The following ASS1 variants were observed in gnomAD, a reference collection of about 807,000 sequenced individuals.
ASS1 encodes argininosuccinate synthase 1.
ASS1 carries 58 observed loss-of-function variants against 60.5 expected under a neutral mutation model. That is an observed-to-expected ratio of 0.96 (90% CI 0.78 to 1.19). ASS1 has a LOEUF of 1.19. ASS1 is among the 50% of genes most tolerant of loss of function. The pLI, the probability that ASS1 is intolerant of heterozygous loss-of-function variation, is 0.00. For missense variants in ASS1, 454 were observed against 547.3 expected (o/e 0.83, Z 1.70); for synonymous variants, 200 against 206.9 (o/e 0.97, Z 0.29).
chr9:130,476,674 C>G lies in ASS1; in HGVS notation c.598-197C>G. 1 of 630,398 alleles carries G rather than the reference C, an allele frequency of 1.6e-6. No homozygotes were observed. Among genetic ancestry groups the G allele is most frequent in the South Asian group, 1.8e-5 (1 of 55,194 alleles). The allele number at this position is 630,398 out of a possible 1,614,324, so 39.1% of individuals were successfully genotyped here. A position where few individuals can be genotyped will look rare whatever the true frequency, so the allele number is the denominator to read the frequency against. ...TGAGGGGAAAAATTGTCTGATTTCT[C>G]CAGCCCTTTGTTTCCCAGGCCTCTG... is the stretch of plus-strand genomic sequence containing the variant. On this transcript the variant is annotated intron_variant, in intron 8 of 14. Transcript: ENST00000352480. This position sits in a 1 kb window ranked among gnomAD's most constrained non-coding sequence, Gnocchi z 4.9.
intron 6 of ASS1, among the ~76,000 whole-genome samples, chr9:130,469,060 G>A (rs902873368): frequency 6.6e-6 from 1 of 152,334 alleles, no homozygotes; most frequent in African/African-American, 2.4e-5. Context: ...GGGAGGCAAA[G>A]GTTCTTTCAC....
At chr9:130,448,893 C>T (rs1416290747) in intron 1 of ASS1, among the ~76,000 whole-genome samples, 2 of 152,194 alleles carry the variant, frequency 1.3e-5, no homozygotes, top group African/African-American at 4.8e-5. Flanking sequence ...TCCACAGCTT[C>T]AGGGCACCCC....
intron 8 of ASS1, among the ~76,000 whole-genome samples, chr9:130,474,836 C>G (rs1845976162): frequency 6.6e-6 from 1 of 152,202 alleles, no homozygotes; most frequent in Admixed American, 6.5e-5. Context: ...TTGGAGAAGC[C>G]ACCTCTCAGC....
Position 130,499,561 on chromosome 9 carries a change from A to G in ASS1, c.1184A>G (p.Asn395Ser), listed in dbSNP as rs1021193921. The G allele has an allele frequency of 3.7e-6, 6 of 1,613,436 alleles. No homozygotes were observed. The highest frequency in any genetic ancestry group is 1.6e-4 in the Middle Eastern group (1 of 6,082). Reference sequence around the variant, plus strand: ...GATGCCACCGGGTTCATCAACATCAATTCCCTCAGGTGAGAAGCTCAGGGC... The same window carrying G: ...GATGCCACCGGGTTCATCAACATCAGTTCCCTCAGGTGAGAAGCTCAGGGC... ...PTDATGFINI[N>S]SLRLKEYHRL... Residue 395 changes from asparagine (N) to serine (S), a missense_variant, in exon 14 of 15, where the codon AAT becomes AGT. Asn to Ser is a conservative substitution (Grantham distance 46, BLOSUM62 1). Transcript: ENST00000352480.
chr9:130,464,099 T>A lies in ASS1; in HGVS notation c.364-12T>A. The stretch of plus-strand genomic sequence containing the variant: ...CCTGTGGCTCCTGACAGCCCTCTGT[T>A]CTGCATTGCAGGGGAACGATCAGGT... On this transcript the variant is annotated splice_polypyrimidine_tract_variant and intron_variant, in intron 4 of 14. Transcript: ENST00000352480. 12 of 1,614,094 alleles carry A rather than the reference T, an allele frequency of 7.4e-6. No individual in the cohort carries two copies. The highest frequency in any genetic ancestry group is 1.0e-5 in the Non-Finnish European group (12 of 1,179,994).
chr9:130,468,423 T>A lies in ASS1; in HGVS notation c.495+1624T>A, dbSNP rs1845795707. Reference sequence around the variant, plus strand: ...TGTCACCATAATTTAAAAAAAAATTTTTTTTAGAGACAGTGTCTCACTCTG... The same window carrying A: ...TGTCACCATAATTTAAAAAAAAATTATTTTTAGAGACAGTGTCTCACTCTG... On this transcript the variant is annotated intron_variant, in intron 6 of 14. Coordinates refer to ENST00000352480, the MANE Select transcript of ASS1 (RefSeq NM_054012.4). Among the ~76,000 whole-genome samples the A allele has an allele frequency of 2.6e-5, 4 of 152,114 alleles. No individual in the cohort carries two copies. The South Asian group carries it at 8.3e-4, about 32-fold the overall frequency.
At chr9:130,471,860 G>A (rs1845874581) in intron 8 of ASS1, among the ~76,000 whole-genome samples, 1 of 152,086 alleles carries the variant, frequency 6.6e-6, no homozygotes. Context: ...CCCAGCCTGT[G>A]CCCACCAGCT....
rs889628896 is a variant in ASS1, at chr9:130,482,725, T to A, written c.838+2276T>A. 5.9e-5 allele frequency among the ~76,000 whole-genome samples: 9 copies of A among 152,288 alleles called. No homozygotes were observed. The East Asian group carries it at 1.7e-3, about 29-fold the overall frequency. On this transcript the variant is annotated intron_variant, in intron 11 of 14. Coordinates refer to ENST00000352480, the MANE Select transcript of ASS1 (RefSeq NM_054012.4). Reference sequence around the variant, plus strand: ...CCTTTTTCCCAGAATGGGGGCCTCATCCCCGTAGAAGGTCAAAGCCATGAG... The same window carrying A: ...CCTTTTTCCCAGAATGGGGGCCTCAACCCCGTAGAAGGTCAAAGCCATGAG...
chr9:130,492,135 G>A (rs1846464538), intron 12 of ASS1, among the ~76,000 whole-genome samples: 1 of 152,202 alleles, frequency 6.6e-6, no homozygotes, highest in African/African-American at 2.4e-5. Flanking sequence ...TCCAGTGCGT[G>A]AAATAACTGC....
At chr9:130,458,330 C>T in intron 3 of ASS1, 71 bp from the exon 4 acceptor site, 1 of 1,595,330 alleles carries the variant, frequency 6.3e-7, no homozygotes. Context: ...TAGCTGAGGC[C>T]CCTGGGGCTC....
chr9:130,447,428 C>T (rs1393658437), intron 1 of ASS1, among the ~76,000 whole-genome samples: 1 of 152,232 alleles, frequency 6.6e-6, no homozygotes, highest in Non-Finnish European at 1.5e-5. Flanking sequence ...TCAAGTAGCA[C>T]GAGTTTTCCT....
intron 3 of ASS1, among the ~76,000 whole-genome samples, chr9:130,456,488 A>C (rs969754425): frequency 2.6e-5 from 4 of 152,134 alleles, no homozygotes; most frequent in African/African-American, 4.8e-5. Flanking sequence ...AACCAACCAA[A>C]CAAACACAAA....
rs1676821930 is a variant in ASS1 at position 130,494,484 on chromosome 9, C to T, written c.971-383C>T. ...GCCTCTGAGTCCTGTCTGAGGTCTTCTGCCTCCCCCGGAGATTAGAGCCTC... is the reference window on the plus strand; with the variant it reads ...GCCTCTGAGTCCTGTCTGAGGTCTTTTGCCTCCCCCGGAGATTAGAGCCTC... On this transcript the variant is annotated intron_variant, in intron 12 of 14. Transcript: ENST00000352480. This position sits in a 1 kb window ranked among gnomAD's most constrained non-coding sequence, Gnocchi z 4.3. Among the ~76,000 whole-genome samples, 1 of 152,254 alleles carries T rather than the reference C, an allele frequency of 6.6e-6. No individual in the cohort carries two copies. The highest frequency in any genetic ancestry group is 1.5e-5 in the Non-Finnish European group (1 of 68,042).
At chr9:130,500,137 C>G (rs1263608507) in intron 14 of ASS1, among the ~76,000 whole-genome samples, 1 of 152,154 alleles carries the variant, frequency 6.6e-6, no homozygotes, top group Non-Finnish European at 1.5e-5. Flanking sequence ...GCATGCGGCT[C>G]AGGCTTAGAC....
At position 130,501,150 on chromosome 9, in the gene ASS1, C is replaced by G; in HGVS notation, c.*129C>G. The G allele has an allele frequency of 9.3e-7, 1 of 1,075,428 alleles. No individual in the cohort carries two copies. Among genetic ancestry groups the G allele is most frequent in the Non-Finnish European group, 1.4e-6 (1 of 713,216 alleles). The allele number at this position is 1,075,428 out of a possible 1,614,324, so 66.6% of individuals were successfully genotyped here. On this transcript the variant is annotated 3_prime_UTR_variant, in exon 15 of 15. Transcript: ENST00000352480. Reference sequence around the variant, plus strand: ...TGGCAGCGTAGTGGGGCTGCCAGGCCCCAGCTTTGTTCCCTGGTCCCCCTG... The same window carrying G: ...TGGCAGCGTAGTGGGGCTGCCAGGCGCCAGCTTTGTTCCCTGGTCCCCCTG...
At chr9:130,453,585 G>A (rs1262854971) in intron 2 of ASS1, among the ~76,000 whole-genome samples, 5 of 152,222 alleles carry the variant, frequency 3.3e-5, no homozygotes, top group Admixed American at 6.5e-5. Context: ...GGAGCTGGGC[G>A]TATAGACCCC....
chr9:130,464,914 G>A (rs1299258774), intron 5 of ASS1, among the ~76,000 whole-genome samples: 1 of 151,704 alleles, frequency 6.6e-6, no homozygotes, highest in Non-Finnish European at 1.5e-5. Flanking sequence ...CCCAGGGCAG[G>A]GCCGAGCAGT....
At chr9:130,499,483 C>G in intron 13 of ASS1, 22 bp from the exon 14 acceptor site, 1 of 1,612,100 alleles carries the variant, frequency 6.2e-7, no homozygotes, top group Non-Finnish European at 8.5e-7. Context: ...GCTGAGCTGA[C>G]AAGCTTCTAC....
At chr9:130,452,059 G>T (rs534741294) in intron 1 of ASS1, 165 bp from the exon 2 acceptor site, 14 of 708,128 alleles carry the variant, frequency 2.0e-5, no homozygotes, top group South Asian at 1.9e-4. Context: ...GGTTCCCGGG[G>T]GTGGCAGGCA....
Sources: gnomAD v4.1 joint callset for allele counts (sites outside exome capture counted in the v4.1 genomes callset) on GRCh38, gnomAD v4.1.1 for gene constraint, Gnocchi (gnomAD v3.1) non-coding constraint, MANE v1.5 for transcripts, NCBI Gene and HGNC (gene_info 2026-07-23, HGNC 2026-07-21) for gene names.